Variants in NTNG1 observed in about 807,000 individuals in gnomAD.
The protein encoded by NTNG1 is netrin G1, also known as netrin-G1.
Under a neutral mutation model 54.0 loss-of-function variants are expected in NTNG1, and 16 were observed. That is an observed-to-expected ratio of 0.30 (90% CI 0.20 to 0.45). The LOEUF (loss-of-function observed/expected upper bound fraction) is 0.45, where lower values mean the gene tolerates loss of function less well. Among genes scored for constraint, NTNG1 ranks in the 20% least tolerant of loss-of-function variants. NTNG1 has a pLI of 1.00. For synonymous variants in NTNG1, 255 were observed against 263.1 expected (o/e 0.97, Z 0.30); for missense variants, 530 against 678.7 (o/e 0.78, Z 2.43).
intron 3 of NTNG1, among the ~76,000 whole-genome samples, chr1:107,347,233 G>T (rs1181778870): frequency 6.6e-6 from 1 of 152,184 alleles, no homozygotes; most frequent in African/African-American, 2.4e-5. Context: ...CTGGCCTCAG[G>T]CTGGGCATGG....
chr1:107,242,494 A>G (rs1019554107), intron 2 of NTNG1, among the ~76,000 whole-genome samples: 1 of 152,214 alleles, frequency 6.6e-6, no homozygotes, highest in East Asian at 1.9e-4. Context: ...TAGTATAACA[A>G]TTGCAGATTA....
At chr1:107,251,830 AT>A (rs1430941874) in intron 2 of NTNG1, among the ~76,000 whole-genome samples, 7 of 152,148 alleles carry the variant, frequency 4.6e-5, no homozygotes, top group African/African-American at 1.7e-4. Context: ...CCCTAAGCAC[AT>A]TAGTTTCATC....
chr1:107,263,370 T>C (rs1040703396), intron 2 of NTNG1, among the ~76,000 whole-genome samples: 2 of 152,074 alleles, frequency 1.3e-5, no homozygotes, highest in East Asian at 3.9e-4. Context: ...ACAAAGCCTT[T>C]ACAATAGCAG....
intron 7 of NTNG1, among the ~76,000 whole-genome samples, chr1:107,461,723 A>G (rs887452958): frequency 4.0e-5 from 6 of 151,856 alleles, no homozygotes; most frequent in African/African-American, 1.5e-4. Flanking sequence ...TAGTAAAGAC[A>G]GGGTTTCACC....
intron 7 of NTNG1, among the ~76,000 whole-genome samples, chr1:107,478,100 A>G (rs1014882695): frequency 6.6e-6 from 1 of 152,216 alleles, no homozygotes; most frequent in Non-Finnish European, 1.5e-5. Context: ...GTTCAAAATG[A>G]CATGAAGATG....
In NTNG1 at chr1:107,482,002, G is replaced by C. The variant is rs1678742604; in HGVS notation, c.*1162G>C. 2 of 139,962 alleles carry C rather than the reference G, an allele frequency of 1.4e-5. No individual in the cohort carries two copies. Among genetic ancestry groups the C allele is most frequent in the South Asian group, 4.6e-4 (2 of 4,366 alleles). 8.7% of individuals were successfully genotyped at this position (139,962 alleles called of 1,614,324 possible). ...AAGATGGATTGATGTTCACTAGCTT[G>C]GACAACTTCTGCAAAATATGAGACT... is the stretch of plus-strand genomic sequence containing the variant. On this transcript the variant is annotated 3_prime_UTR_variant, in exon 8 of 8. Coordinates refer to ENST00000370068, the MANE Select transcript of NTNG1 (RefSeq NM_001113226.3).
intron 2 of NTNG1, among the ~76,000 whole-genome samples, chr1:107,246,560 G>C (rs1215331765): frequency 6.6e-6 from 1 of 151,664 alleles, no homozygotes; most frequent in African/African-American, 2.4e-5. Flanking sequence ...TGAGTGGCTG[G>C]GTTTCCATTT....
rs1041068155 is a variant in NTNG1, at chr1:107,484,079, TG to T, written c.*3244del. 1.3e-5 allele frequency among the ~76,000 whole-genome samples: 2 copies of T among 152,174 alleles called. No individual in the cohort carries two copies. Among genetic ancestry groups the T allele is most frequent in the Non-Finnish European group, 2.9e-5 (2 of 68,030 alleles). On this transcript the variant is annotated 3_prime_UTR_variant, in exon 8 of 8. Coordinates refer to ENST00000370068, the MANE Select transcript of NTNG1 (RefSeq NM_001113226.3). Reference sequence around the variant, plus strand: ...TTTTAGGCCAAATGTAGGCCCCCTCTGGGGGTTTAAACTCCTGGAGGCAAGC... The same window carrying T: ...TTTTAGGCCAAATGTAGGCCCCCTCTGGGGTTTAAACTCCTGGAGGCAAGC...
chr1:107,377,471 T>G (rs150351323), intron 3 of NTNG1, among the ~76,000 whole-genome samples: 1 of 152,360 alleles, frequency 6.6e-6, no homozygotes, highest in Non-Finnish European at 1.5e-5. Flanking sequence ...CCAGACCTCC[T>G]GGCCCAGGAG....
At chr1:107,329,351 A>G (rs745632908) in intron 3 of NTNG1, among the ~76,000 whole-genome samples, 18 of 152,272 alleles carry the variant, frequency 1.2e-4, no homozygotes, top group Admixed American at 7.2e-4. Context: ...TCCAGCTTCT[A>G]TGTGTAAACC....
chr1:107,218,457 A>G (rs1204541878), intron 2 of NTNG1, among the ~76,000 whole-genome samples: 1 of 151,988 alleles, frequency 6.6e-6, no homozygotes, highest in Non-Finnish European at 1.5e-5. Flanking sequence ...ATTCAACGTT[A>G]GTGTTGAGAT....
intron 2 of NTNG1, among the ~76,000 whole-genome samples, chr1:107,179,486 TA>T (rs1191086425): frequency 1.3e-5 from 2 of 152,136 alleles, no homozygotes; most frequent in African/African-American, 4.8e-5. Context: ...GTATTTTTTT[TA>T]AAATTGACAA....
chr1:107,471,169 G>A (rs1440491355), intron 7 of NTNG1, among the ~76,000 whole-genome samples: 2 of 152,168 alleles, frequency 1.3e-5, no homozygotes, highest in Non-Finnish European at 2.9e-5. Flanking sequence ...CCTAGGGTCA[G>A]AACTTGCAGT....
At chr1:107,207,723 C>T (rs1477803722) in intron 2 of NTNG1, among the ~76,000 whole-genome samples, 1 of 152,134 alleles carries the variant, frequency 6.6e-6, no homozygotes, top group Non-Finnish European at 1.5e-5. Context: ...GATTCACGTG[C>T]CCATTTCTTC....
chr1:107,148,967 C>A, intron 2 of NTNG1, 128 bp downstream of exon 2: 2 of 918,568 alleles, frequency 2.2e-6, no homozygotes, highest in Non-Finnish European at 3.3e-6. Flanking sequence ...TTTGTGTTAA[C>A]AGGCTAGTTT....
At chr1:107,326,927 C>A (rs1242553137) in intron 3 of NTNG1, among the ~76,000 whole-genome samples, 1 of 152,100 alleles carries the variant, frequency 6.6e-6, no homozygotes, top group Non-Finnish European at 1.5e-5. Context: ...CATGCCATCT[C>A]CTAAAGGTGG....
At chr1:107,286,087 T>A (rs1478895242) in intron 2 of NTNG1, among the ~76,000 whole-genome samples, 8 of 152,166 alleles carry the variant, frequency 5.3e-5, no homozygotes, top group Admixed American at 3.3e-4. Context: ...CTTAAGCAGA[T>A]GTAAAGGCTA....
chr1:107,433,761 A>G (rs1436172836), intron 6 of NTNG1, among the ~76,000 whole-genome samples: 1 of 152,170 alleles, frequency 6.6e-6, no homozygotes, highest in Non-Finnish European at 1.5e-5. Flanking sequence ...AAAGCTGTAG[A>G]TTTCACTTAC....
At chr1:107,212,409 C>T (rs183132818) in intron 2 of NTNG1, among the ~76,000 whole-genome samples, 16 of 152,128 alleles carry the variant, frequency 1.1e-4, no homozygotes, top group East Asian at 3.9e-4. Context: ...AAATGACTCC[C>T]GGAAAGATTA....
Sources: allele counts gnomAD v4.1 joint callset (sites outside exome capture counted in the v4.1 genomes callset), GRCh38; gene constraint gnomAD v4.1.1; transcripts MANE v1.5; gene names NCBI Gene and HGNC (gene_info 2026-07-23, HGNC 2026-07-21).